Variants in NPAS3 observed in about 807,000 individuals in gnomAD.
NPAS3 encodes the protein neuronal PAS domain protein 3, also known as neuronal PAS domain-containing protein 3.
In NPAS3, 14 loss-of-function variants were observed where a neutral mutation model predicts 73.1. The observed-to-expected ratio is 0.19, with a 90% CI of 0.13 to 0.30. The LOEUF is 0.30. Ranked by LOEUF, NPAS3 falls within the 10% of genes least tolerant of loss-of-function variation. The pLI is 1.00. For missense variants in NPAS3, 1,096 were observed against 1,250.0 expected, an observed-to-expected ratio of 0.88 and a Z score of 1.86; for synonymous variants, 620 against 541.5, an observed-to-expected ratio of 1.14 and a Z score of -2.01.
chr14:33,362,826 C>A (rs2045667433), intron 3 of NPAS3, among the ~76,000 whole-genome samples: 1 of 152,158 alleles, frequency 6.6e-6, no homozygotes, highest in African/African-American at 2.4e-5. Flanking sequence ...TGTTTCCTAT[C>A]CACCAGTGAC....
chr14:33,576,804 C>G (rs1307368972), intron 5 of NPAS3, among the ~76,000 whole-genome samples: 1 of 152,080 alleles, frequency 6.6e-6, no homozygotes, highest in Non-Finnish European at 1.5e-5. Context: ...TACCCAGTCC[C>G]GAGTATCTTT....
chr14:33,392,406 T>C (rs767950137), intron 4 of NPAS3, among the ~76,000 whole-genome samples: 2 of 152,162 alleles, frequency 1.3e-5, no homozygotes, highest in Non-Finnish European at 2.9e-5. Context: ...GTCACCTAGC[T>C]AGTAAATGAT....
At chr14:33,015,697 A>G (rs905580147) in intron 1 of NPAS3, among the ~76,000 whole-genome samples, 1 of 152,184 alleles carries the variant, frequency 6.6e-6, no homozygotes, top group Non-Finnish European at 1.5e-5. Context: ...ATATGCATAC[A>G]CAGGCAAGTG....
intron 4 of NPAS3, among the ~76,000 whole-genome samples, chr14:33,393,996 G>T (rs1030868193): frequency 6.6e-5 from 10 of 152,104 alleles, no homozygotes; most frequent in African/African-American, 2.4e-4. Flanking sequence ...TGGAACTCTC[G>T]CTTGATTATT....
intron 2 of NPAS3, among the ~76,000 whole-genome samples, chr14:33,175,906 G>A (rs927157255): frequency 1.3e-5 from 2 of 151,950 alleles, no homozygotes; most frequent in Admixed American, 6.6e-5. Flanking sequence ...ATTTGAGTCT[G>A]GTTTTAAAAC....
chr14:33,563,780 A>G (rs1349798600), intron 5 of NPAS3, among the ~76,000 whole-genome samples: 1 of 152,132 alleles, frequency 6.6e-6, no homozygotes, highest in Non-Finnish European at 1.5e-5. Flanking sequence ...AGAGCTGTTC[A>G]TGACAGCTCT....
intron 2 of NPAS3, among the ~76,000 whole-genome samples, chr14:33,143,497 A>T (rs1171598775): frequency 1.3e-5 from 2 of 152,184 alleles, no homozygotes; most frequent in Non-Finnish European, 2.9e-5. Context: ...GTCTCAAAAA[A>T]AAAAAAGTAT....
chr14:33,795,502 G>T (rs1368480405), intron 10 of NPAS3, among the ~76,000 whole-genome samples: 1 of 152,180 alleles, frequency 6.6e-6, no homozygotes, highest in African/African-American at 2.4e-5. Context: ...AAGGTCTTGT[G>T]GCACTGACAT....
At chr14:33,040,429 A>G (rs977515178) in intron 1 of NPAS3, among the ~76,000 whole-genome samples, 1 of 152,164 alleles carries the variant, frequency 6.6e-6, no homozygotes, top group African/African-American at 2.4e-5. Context: ...CACCACAGAT[A>G]TTGGGGTACT....
chr14:33,709,979 C>G (rs1290096041), intron 6 of NPAS3, among the ~76,000 whole-genome samples: 1 of 152,226 alleles, frequency 6.6e-6, no homozygotes, highest in South Asian at 2.1e-4. Context: ...AACACTCACA[C>G]TTGTGTTAGC....
At chr14:33,769,756 C>CTTTTTTTTTTTTTTTTTTTTTTTTT (rs916953785) in intron 7 of NPAS3, among the ~76,000 whole-genome samples, 2 of 81,854 alleles carry the variant, frequency 2.4e-5, no homozygotes, top group Non-Finnish European at 4.4e-5. Context: ...TTTTTTTTTT[C>CTTTTTTTTTTTTTTTTTTTTTTTTT]TTTTTTTTTT....
At chr14:32,955,630 C>A (rs2036644076) in intron 1 of NPAS3, among the ~76,000 whole-genome samples, 1 of 152,024 alleles carries the variant, frequency 6.6e-6, no homozygotes, top group South Asian at 2.1e-4. Context: ...TAAATTGTGA[C>A]CTTTCTAGAA....
At chr14:33,274,232 G>C (rs1270563686) in intron 3 of NPAS3, among the ~76,000 whole-genome samples, 6 of 152,228 alleles carry the variant, frequency 3.9e-5, no homozygotes, top group Non-Finnish European at 7.3e-5. Flanking sequence ...ATTGGTACAA[G>C]AGTAGGTTAC....
chr14:33,062,549 A>C (rs1184858930), intron 2 of NPAS3, among the ~76,000 whole-genome samples: 1 of 152,226 alleles, frequency 6.6e-6, no homozygotes, highest in Non-Finnish European at 1.5e-5. Context: ...GAATGAAAGA[A>C]TATTAATTGG....
intron 1 of NPAS3, among the ~76,000 whole-genome samples, chr14:32,946,333 A>AACACACACGCACGCACACAC (rs2036248769): frequency 9.5e-6 from 1 of 105,302 alleles, no homozygotes; most frequent in Non-Finnish European, 2.0e-5. Context: ...CCATCCCCCC[A>AACACACACGCACGCACACAC]ACACACACAC....
chr14:33,566,443 C>T (rs1427578169), intron 5 of NPAS3, among the ~76,000 whole-genome samples: 1 of 152,050 alleles, frequency 6.6e-6, no homozygotes, highest in East Asian at 1.9e-4. Context: ...TCGTTCTTCC[C>T]CCCTTTTCCT....
In NPAS3 at chr14:33,709,762, C is replaced by T. The variant is rs1006756396; in HGVS notation, c.734-25452C>T. Among the ~76,000 whole-genome samples the T allele has an allele frequency of 2.6e-5, 4 of 152,144 alleles. 1 individual carries two copies. The highest frequency in any genetic ancestry group is 2.0e-4 in the Admixed American group (3 of 15,278). ...TCACCATGGCTGTTCTAATTACAAACCCAATCCTTTCTGCTTCACCAAATA... is the reference window on the plus strand; with the variant it reads ...TCACCATGGCTGTTCTAATTACAAATCCAATCCTTTCTGCTTCACCAAATA... On this transcript the variant is annotated intron_variant, in intron 6 of 11. Transcript: ENST00000356141.
chr14:33,645,039 C>T (rs976973614), intron 5 of NPAS3, among the ~76,000 whole-genome samples: 3 of 150,466 alleles, frequency 2.0e-5, no homozygotes, highest in Non-Finnish European at 4.4e-5. Flanking sequence ...TGAGATTGCA[C>T]CACCACACTC....
intron 9 of NPAS3, among the ~76,000 whole-genome samples, chr14:33,793,536 C>A (rs1490273938): frequency 6.6e-6 from 1 of 152,228 alleles, no homozygotes; most frequent in Non-Finnish European, 1.5e-5. Context: ...GAATAAATCA[C>A]ATACAAATTT....
Sources: allele counts gnomAD v4.1 joint callset (sites outside exome capture counted in the v4.1 genomes callset), GRCh38; gene constraint gnomAD v4.1.1; transcripts MANE v1.5; gene names NCBI Gene and HGNC (gene_info 2026-07-23, HGNC 2026-07-21).